Variants in SORCS2 observed in about 807,000 individuals in gnomAD.
SORCS2 encodes sortilin related VPS10 domain containing receptor 2.
A neutral mutation model predicts 141.6 loss-of-function variants in SORCS2; 100 were observed. The ratio of observed to expected loss-of-function variants is 0.71; its 90% CI spans 0.60 to 0.83. SORCS2 has a LOEUF of 0.83. Among genes scored for constraint, SORCS2 ranks in the 40% least tolerant of loss-of-function variants. The pLI, the probability that SORCS2 is intolerant of heterozygous loss-of-function variation, is 0.00. For synonymous variants in SORCS2, 789 were observed against 676.9 expected (o/e 1.17, Z -2.57); for missense variants, 1,646 against 1,560.2 (o/e 1.05, Z -0.93).
At position 7,398,405 on chromosome 4, in the gene SORCS2, G is replaced by A. The variant is rs1724358541; in HGVS notation, c.548+2050G>A. Among the ~76,000 whole-genome samples the A allele has an allele frequency of 1.3e-5, 2 of 152,356 alleles. 1 individual carries two copies. Among genetic ancestry groups the A allele is most frequent in the Middle Eastern group, 6.8e-3 (2 of 294 alleles). On this transcript the variant is annotated intron_variant, in intron 2 of 26. Coordinates refer to ENST00000507866, the MANE Select transcript of SORCS2 (RefSeq NM_020777.3). ...TTGTGAGAACTGAATGAGGAAATGT[G>A]TGAAATGTCCCTAGAACAGTACGTG...
chr4:7,605,968 C>T (rs531695416), intron 3 of SORCS2, among the ~76,000 whole-genome samples: 1 of 152,198 alleles, frequency 6.6e-6, no homozygotes, highest in Admixed American at 6.5e-5. Context: ...GTTACAGATG[C>T]TGAAAGGATG....
At chr4:7,492,469 A>C (rs1010604475) in intron 2 of SORCS2, among the ~76,000 whole-genome samples, 1 of 152,242 alleles carries the variant, frequency 6.6e-6, no homozygotes, top group African/African-American at 2.4e-5. Flanking sequence ...TTCTTCATGC[A>C]TCATCTGTTG....
In SORCS2 at chr4:7,505,672, G is replaced by C. The variant is rs150229033; in HGVS notation, c.549-25858G>C. ...ACGGAGAGGGTACTCAGATACCCCC[G>C]AGAGCCTGGCTCTGCCAGCGGGAAC... On this transcript the variant is annotated intron_variant, in intron 2 of 26. Coordinates refer to ENST00000507866, the MANE Select transcript of SORCS2 (RefSeq NM_020777.3). Among the ~76,000 whole-genome samples, 416 of 152,226 alleles carry C rather than the reference G, an allele frequency of 2.7e-3. 5 individuals are homozygous for C. Among genetic ancestry groups the C allele is most frequent in the African/African-American group, 8.9e-3 (369 of 41,554 alleles).
chr4:7,544,483 C>A (rs1043713923), intron 3 of SORCS2, among the ~76,000 whole-genome samples: 1 of 152,188 alleles, frequency 6.6e-6, no homozygotes, highest in Non-Finnish European at 1.5e-5. Flanking sequence ...CCAGCCTGAG[C>A]ATCCAAGGCA....
At chr4:7,651,869 C>A (rs923416487) in intron 4 of SORCS2, among the ~76,000 whole-genome samples, 1 of 152,184 alleles carries the variant, frequency 6.6e-6, no homozygotes, top group African/African-American at 2.4e-5. Context: ...GCCGGGGACT[C>A]GGAAGGCACA....
intron 2 of SORCS2, among the ~76,000 whole-genome samples, chr4:7,496,729 G>A (rs1731654521): frequency 6.6e-6 from 1 of 152,106 alleles, no homozygotes; most frequent in Non-Finnish European, 1.5e-5. Flanking sequence ...AGAAGGGAGC[G>A]AGGCGTGGGT....
chr4:7,383,628 C>G (rs3864222), intron 1 of SORCS2, among the ~76,000 whole-genome samples: 120,354 of 152,156 alleles, frequency 0.79, 48,082 homozygotes, highest in Admixed American at 0.86. Context: ...ACGCTCAGCA[C>G]TAACAACATC....
intron 3 of SORCS2, among the ~76,000 whole-genome samples, chr4:7,544,001 C>T (rs1377539700): frequency 6.9e-4 from 103 of 149,488 alleles, no homozygotes; most frequent in African/African-American, 2.4e-3. Flanking sequence ...TCCACTCATC[C>T]ATCCATCCAT....
chr4:7,466,297 C>G (rs368474959), intron 2 of SORCS2, among the ~76,000 whole-genome samples: 3 of 152,216 alleles, frequency 2.0e-5, no homozygotes, highest in East Asian at 3.9e-4. Flanking sequence ...TCCTCCAGAT[C>G]TAGGAGACAA....
At chr4:7,332,319 G>A (rs1251544652) in intron 1 of SORCS2, among the ~76,000 whole-genome samples, 3 of 152,210 alleles carry the variant, frequency 2.0e-5, no homozygotes, top group African/African-American at 7.2e-5. Flanking sequence ...CCACGTCTCA[G>A]CTCCTCTGAG....
intron 2 of SORCS2, 94 bp from the exon 3 acceptor site, chr4:7,531,436 G>T (rs754661659): frequency 6.0e-5 from 73 of 1,211,006 alleles, no homozygotes; most frequent in Non-Finnish European, 7.8e-5. Context: ...CACTCGGCCC[G>T]CACGGGCACA....
intron 3 of SORCS2, among the ~76,000 whole-genome samples, chr4:7,632,173 C>T (rs2108850092): frequency 6.6e-6 from 1 of 152,292 alleles, no homozygotes; most frequent in Admixed American, 6.5e-5. Context: ...ATTTGCTGGT[C>T]CCCGTAAACT....
At chr4:7,735,128 C>T (rs1298561625) in intron 25 of SORCS2, among the ~76,000 whole-genome samples, 1 of 152,234 alleles carries the variant, frequency 6.6e-6, no homozygotes, top group African/African-American at 2.4e-5. Context: ...GCAGCATCAC[C>T]AGACTCCTTC....
chr4:7,224,071 G>A (rs1314053926), intron 1 of SORCS2, among the ~76,000 whole-genome samples: 3 of 152,214 alleles, frequency 2.0e-5, no homozygotes, highest in Admixed American at 1.3e-4. Flanking sequence ...GGCTGGTGGG[G>A]GAAGGCTGTG....
rs573198453 is a variant in SORCS2, at chr4:7,357,507, C to T, written c.481-38781C>T. Reference sequence around the variant, plus strand: ...GGCGTCTGCTAATGGACTAAGTTTCCGGAGGCGTTGATTACGCACTTCACG... The same window carrying T: ...GGCGTCTGCTAATGGACTAAGTTTCTGGAGGCGTTGATTACGCACTTCACG... On this transcript the variant is annotated intron_variant, in intron 1 of 26. Coordinates refer to ENST00000507866, the MANE Select transcript of SORCS2 (RefSeq NM_020777.3). 9.8e-5 allele frequency among the ~76,000 whole-genome samples: 15 copies of T among 152,298 alleles called. No individual in the cohort carries two copies. In the East Asian group the frequency reaches 2.3e-3, roughly 24 times the overall value.
chr4:7,224,835 A>G (rs1017998154), intron 1 of SORCS2, among the ~76,000 whole-genome samples: 4 of 152,170 alleles, frequency 2.6e-5, no homozygotes, highest in Non-Finnish European at 5.9e-5. Context: ...GTCCTCTCTC[A>G]TGAGCTCACT....
chr4:7,233,304 G>A lies in SORCS2; in HGVS notation c.480+40178G>A, dbSNP rs1475700130. On this transcript the variant is annotated intron_variant, in intron 1 of 26. Transcript: ENST00000507866. This position sits in a 1 kb window ranked among gnomAD's most constrained non-coding sequence, Gnocchi z 4.5. ...TGTGGACTATGCCTGCAGAAGCCAC[G>A]GTGGGGACAGGAGCACATCCAGGGT... Among the ~76,000 whole-genome samples, 3 of 152,186 alleles carry A rather than the reference G, an allele frequency of 2.0e-5. No homozygotes were observed. Among genetic ancestry groups the A allele is most frequent in the Non-Finnish European group, 4.4e-5 (3 of 68,024 alleles).
intron 3 of SORCS2, among the ~76,000 whole-genome samples, chr4:7,637,868 G>A (rs1425995271): frequency 6.6e-6 from 1 of 150,826 alleles, no homozygotes; most frequent in African/African-American, 2.4e-5. Context: ...ATCAGTGAAT[G>A]GCTATGATTT....
In SORCS2 at chr4:7,723,946, G is replaced by A. The variant is rs1429558510; in HGVS notation, c.2611+63G>A. The A allele has an allele frequency of 1.1e-5, 16 of 1,482,346 alleles. No homozygotes were observed. The Admixed American group carries it at 3.8e-4, about 36-fold the overall frequency. 91.8% of individuals were successfully genotyped at this position (1,482,346 alleles called of 1,614,324 possible). ...CTTTGAGAGAGAGAACCTGGCTTTG[G>A]GGGAAACACAGGGAAGCCCCCGGGA... On this transcript the variant is annotated intron_variant, in intron 19 of 26. Coordinates refer to ENST00000507866, the MANE Select transcript of SORCS2 (RefSeq NM_020777.3).
Sources: gnomAD v4.1 joint callset for allele counts (sites outside exome capture counted in the v4.1 genomes callset) on GRCh38, gnomAD v4.1.1 for gene constraint, Gnocchi (gnomAD v3.1) non-coding constraint, MANE v1.5 for transcripts, NCBI Gene and HGNC (gene_info 2026-07-23, HGNC 2026-07-21) for gene names.